ASTN2: variants seen among roughly 807,000 people sequenced by gnomAD.
ASTN2 encodes the protein astrotactin-2.
ASTN2 carries 54 observed loss-of-function variants against 139.8 expected under a neutral mutation model. The observed-to-expected ratio is 0.39, with a 90% CI of 0.31 to 0.48. The LOEUF is 0.48. ASTN2 is among the 20% of genes least tolerant of loss of function. The pLI, the probability that ASTN2 is intolerant of heterozygous loss-of-function variation, is 0.95. For missense variants in ASTN2, 1,565 were observed against 1,725.1 expected (o/e 0.91, Z 1.64); for synonymous variants, 756 against 719.5 (o/e 1.05, Z -0.81).
At chr9:117,345,617 C>CA (rs967017740) in intron 1 of ASTN2, among the ~76,000 whole-genome samples, 2 of 152,048 alleles carry the variant, frequency 1.3e-5, no homozygotes, top group Non-Finnish European at 2.9e-5. Context: ...TGAAACTAAA[C>CA]AAAAACAAAT....
intron 1 of ASTN2, among the ~76,000 whole-genome samples, chr9:117,390,515 T>A (rs1007442084): frequency 3.9e-5 from 6 of 152,322 alleles, no homozygotes; most frequent in Admixed American, 1.3e-4. Flanking sequence ...TTTCCCTCCC[T>A]ACTAGTCCTG....
At chr9:117,398,955 G>A (rs1436099238) in intron 1 of ASTN2, among the ~76,000 whole-genome samples, 2 of 152,066 alleles carry the variant, frequency 1.3e-5, no homozygotes, top group African/African-American at 4.8e-5. Flanking sequence ...CTAATTTTTT[G>A]TATTTTTAGT....
intron 19 of ASTN2, chr9:116,562,260 A>T (rs1045752651): frequency 6.6e-6 from 1 of 152,362 alleles, no homozygotes; most frequent in South Asian, 2.1e-4. Flanking sequence ...AAGTTTCTGT[A>T]AAGTCAGTGA....
At position 116,699,884 on chromosome 9, in the gene ASTN2, C is replaced by G. The variant is rs1861088971; in HGVS notation, c.2806+25887G>C. 4 of 813,180 alleles carry G rather than the reference C, an allele frequency of 4.9e-6. No homozygotes were observed. In the Admixed American group the frequency reaches 1.1e-4, roughly 22 times the overall value. The allele number at this position is 813,180 out of a possible 1,614,324, so 50.4% of individuals were successfully genotyped here. On this transcript the variant is annotated intron_variant, in intron 16 of 22. Coordinates refer to ENST00000313400, the MANE Select transcript of ASTN2 (RefSeq NM_001365068.1). The surrounding 1 kb of genome is among the most constrained non-coding windows in gnomAD (Gnocchi z 4.2). The stretch of plus-strand genomic sequence containing the variant: ...ATTTGTTATGTCCCCCTCCCCGCTT[C>G]CCACCTAAATTTAGAGCTTTAAAAG...
intron 11 of ASTN2, among the ~76,000 whole-genome samples, chr9:116,832,964 T>TTTATTTATTTA (rs1564292236): frequency 1.0e-4 from 10 of 100,328 alleles, no homozygotes; most frequent in African/African-American, 4.6e-4. Context: ...TTATTTATTT[T>TTTATTTATTTA]TTGGGAATTG....
At chr9:116,936,569 A>C (rs545796941) in intron 10 of ASTN2, among the ~76,000 whole-genome samples, 2 of 152,186 alleles carry the variant, frequency 1.3e-5, no homozygotes, top group Non-Finnish European at 2.9e-5. Flanking sequence ...TGGACACTTT[A>C]TTAGATTGCT....
intron 19 of ASTN2, among the ~76,000 whole-genome samples, chr9:116,535,153 AG>A (rs1302892299): frequency 1.3e-5 from 2 of 152,092 alleles, no homozygotes; most frequent in African/African-American, 4.8e-5. Context: ...ATTGGTTTAA[AG>A]TCTGTTTTAT....
In ASTN2 at chr9:116,746,911, G is replaced by A. The variant is rs1001396301; in HGVS notation, c.2397-13388C>T. On this transcript the variant is annotated intron_variant, in intron 13 of 22. Coordinates refer to ENST00000313400, the MANE Select transcript of ASTN2 (RefSeq NM_001365068.1). ...GCAGTGTCTGATGCATGCACTAGGG[G>A]CTCAAGAAGTGCTTATTCAATAAAT... Among the ~76,000 whole-genome samples, 7 of 152,104 alleles carry A rather than the reference G, an allele frequency of 4.6e-5. No homozygotes were observed. The South Asian group carries it at 8.3e-4, about 18-fold the overall frequency.
At chr9:117,207,986 C>T (rs1428673706) in intron 3 of ASTN2, among the ~76,000 whole-genome samples, 2 of 152,152 alleles carry the variant, frequency 1.3e-5, no homozygotes, top group African/African-American at 2.4e-5. Context: ...ACTAACACCT[C>T]AAGACCAAGT....
intron 16 of ASTN2, among the ~76,000 whole-genome samples, chr9:116,678,009 G>T (rs1169512638): frequency 2.0e-5 from 3 of 152,114 alleles, no homozygotes; most frequent in African/African-American, 7.2e-5. Flanking sequence ...AGAAAAATAA[G>T]CATTTAAATC....
At chr9:116,939,117 G>A (rs1835157263) in intron 10 of ASTN2, among the ~76,000 whole-genome samples, 1 of 152,154 alleles carries the variant, frequency 6.6e-6, no homozygotes, top group African/African-American at 2.4e-5. Context: ...TCAAATCCCG[G>A]TTCTGTCACT....
At chr9:117,158,542 C>A (rs1830478943) in intron 3 of ASTN2, among the ~76,000 whole-genome samples, 1 of 151,976 alleles carries the variant, frequency 6.6e-6, no homozygotes, top group Non-Finnish European at 1.5e-5. Context: ...AGAACTAAAT[C>A]AAAACTTTCA....
chr9:116,442,657 A>C (rs1159778732), intron 20 of ASTN2, 104 bp from the exon 21 acceptor site: 21 of 888,482 alleles, frequency 2.4e-5, no homozygotes, highest in Non-Finnish European at 3.9e-5. Flanking sequence ...CTACAGGAAA[A>C]ATGATTTTAA....
At chr9:117,404,898 GA>G (rs1830939185) in intron 1 of ASTN2, among the ~76,000 whole-genome samples, 1 of 152,102 alleles carries the variant, frequency 6.6e-6, no homozygotes, top group Non-Finnish European at 1.5e-5. Flanking sequence ...AGGGAAGGTG[GA>G]AAGAATAGAG....
chr9:116,947,455 T>G (rs1835429214), intron 10 of ASTN2, among the ~76,000 whole-genome samples: 1 of 152,236 alleles, frequency 6.6e-6, no homozygotes, highest in East Asian at 1.9e-4. Context: ...TCTCAATGAC[T>G]TTCTTTTTCT....
intron 16 of ASTN2, among the ~76,000 whole-genome samples, chr9:116,714,519 A>G (rs561811325): frequency 2.0e-5 from 3 of 152,378 alleles, no homozygotes; most frequent in South Asian, 4.1e-4. Flanking sequence ...TCACTTTACA[A>G]ACATCAATTC....
At chr9:116,469,969 C>T (rs751464892) in intron 20 of ASTN2, among the ~76,000 whole-genome samples, 31 of 152,018 alleles carry the variant, frequency 2.0e-4, no homozygotes, top group Non-Finnish European at 4.4e-4. Flanking sequence ...CTTTAGGAGG[C>T]CGAGGTGGCA....
chr9:117,195,747 G>A (rs564738624), intron 3 of ASTN2, among the ~76,000 whole-genome samples: 1 of 152,040 alleles, frequency 6.6e-6, no homozygotes, highest in South Asian at 2.1e-4. Context: ...ATTCACAGGG[G>A]GTGTCAGAAG....
chr9:116,940,927 C>T (rs1022314857), intron 10 of ASTN2, among the ~76,000 whole-genome samples: 15 of 152,124 alleles, frequency 9.9e-5, no homozygotes, highest in African/African-American at 3.4e-4. Flanking sequence ...TAGATATGCT[C>T]AGATACACAA....
Sources: gnomAD v4.1 joint callset for allele counts (sites outside exome capture counted in the v4.1 genomes callset) on GRCh38, gnomAD v4.1.1 for gene constraint, Gnocchi (gnomAD v3.1) non-coding constraint, MANE v1.5 for transcripts, NCBI Gene and HGNC (gene_info 2026-07-23, HGNC 2026-07-21) for gene names.